Variants in MBD5 observed in about 807,000 individuals in gnomAD.
MBD5 encodes the protein methyl-CpG binding domain protein 5.
A neutral mutation model predicts 117.3 loss-of-function variants in MBD5; 13 were observed. The ratio of observed to expected loss-of-function variants is 0.11; its 90% CI spans 0.07 to 0.18. The LOEUF (loss-of-function observed/expected upper bound fraction) is 0.18, where lower values mean the gene tolerates loss of function less well. Ranked by LOEUF, MBD5 falls within the 10% of genes least tolerant of loss-of-function variation. The pLI, the probability that MBD5 is intolerant of heterozygous loss-of-function variation, is 1.00. For missense variants in MBD5, 1,879 were observed against 2,093.8 expected (o/e 0.90, Z 2.00); for synonymous variants, 727 against 766.4 (o/e 0.95, Z 0.85).
At chr2:148,312,749 A>T (rs1702063759) in intron 3 of MBD5, among the ~76,000 whole-genome samples, 1 of 152,036 alleles carries the variant, frequency 6.6e-6, no homozygotes, top group African/African-American at 2.4e-5. Context: ...TGGGATTTTC[A>T]GCCTTTTTGA....
At chr2:148,308,491 C>CTTTCTTTT (rs1701949943) in intron 3 of MBD5, among the ~76,000 whole-genome samples, 1 of 66,772 alleles carries the variant, frequency 1.5e-5, no homozygotes, top group African/African-American at 4.9e-5. Flanking sequence ...GGGGTTCTTT[C>CTTTCTTTT]TTTTTTTTTT....
At chr2:148,257,267 T>A (rs1267720635) in intron 3 of MBD5, among the ~76,000 whole-genome samples, 1 of 152,234 alleles carries the variant, frequency 6.6e-6, no homozygotes, top group Non-Finnish European at 1.5e-5. Flanking sequence ...GCCTGCTGAA[T>A]AGCCCGCTTG....
At chr2:148,395,813 T>A (rs1210317879) in intron 4 of MBD5, among the ~76,000 whole-genome samples, 1 of 152,154 alleles carries the variant, frequency 6.6e-6, no homozygotes, top group Non-Finnish European at 1.5e-5. Context: ...GGGTGAGGAA[T>A]CACACCATAT....
chr2:148,154,750 T>C (rs886544176), intron 1 of MBD5, among the ~76,000 whole-genome samples: 2 of 152,196 alleles, frequency 1.3e-5, no homozygotes, highest in East Asian at 3.9e-4. Flanking sequence ...CCTGACCCCT[T>C]GCGCTTCCCA....
chr2:148,476,802 C>A lies in MBD5; in HGVS notation c.2519-6308C>A, dbSNP rs375030931. Among the ~76,000 whole-genome samples the A allele has an allele frequency of 9.9e-5, 15 of 152,244 alleles. No individual in the cohort carries two copies. The East Asian group carries it at 2.7e-3, about 27-fold the overall frequency. On this transcript the variant is annotated intron_variant, in intron 8 of 13. Coordinates refer to ENST00000642680, the MANE Select transcript of MBD5 (RefSeq NM_001378120.1). Reference sequence around the variant, plus strand: ...AGAAGAATACAAAGCTAAGCATATTCATAATCTAGAAACTTAGCCTGCTCT... The same window carrying A: ...AGAAGAATACAAAGCTAAGCATATTAATAATCTAGAAACTTAGCCTGCTCT...
chr2:148,209,513 T>C (rs1699369335), intron 2 of MBD5, among the ~76,000 whole-genome samples: 1 of 151,528 alleles, frequency 6.6e-6, no homozygotes, highest in East Asian at 1.9e-4. Flanking sequence ...AATAAACTTC[T>C]TTTTTCTTTC....
At chr2:148,367,026 T>A (rs778862969) in intron 4 of MBD5, among the ~76,000 whole-genome samples, 4 of 152,014 alleles carry the variant, frequency 2.6e-5, no homozygotes, top group Non-Finnish European at 5.9e-5. Context: ...CCAAGACAAT[T>A]CTAAGCAAAA....
intron 1 of MBD5, among the ~76,000 whole-genome samples, chr2:148,114,777 T>C (rs1334753100): frequency 6.6e-6 from 1 of 152,188 alleles, no homozygotes; most frequent in Admixed American, 6.5e-5. Flanking sequence ...TTTACCAATA[T>C]ATAAAAGCTA....
chr2:148,305,690 C>G (rs1315619334), intron 3 of MBD5, among the ~76,000 whole-genome samples: 1 of 152,174 alleles, frequency 6.6e-6, no homozygotes, highest in African/African-American at 2.4e-5. Context: ...TCAAGTTGTC[C>G]AGCCTCAGCT....
intron 3 of MBD5, among the ~76,000 whole-genome samples, chr2:148,247,584 T>C (rs539081271): frequency 6.6e-6 from 1 of 152,020 alleles, no homozygotes; most frequent in South Asian, 2.1e-4. Context: ...GCGTATTGAG[T>C]GGTGGTATAC....
chr2:148,164,335 A>G (rs1698077673), intron 1 of MBD5, among the ~76,000 whole-genome samples: 1 of 152,008 alleles, frequency 6.6e-6, no homozygotes, highest in Non-Finnish European at 1.5e-5. Flanking sequence ...CCAGAATACT[A>G]GAGGATCCCT....
At chr2:148,386,943 C>T (rs531638849) in intron 4 of MBD5, among the ~76,000 whole-genome samples, 1 of 152,026 alleles carries the variant, frequency 6.6e-6, no homozygotes, top group East Asian at 1.9e-4. Context: ...AAATAAAAAG[C>T]TTCAGGCCTA....
In MBD5 at chr2:148,469,800, T is replaced by C. The variant is rs781055816; in HGVS notation, c.1857T>C (p.Thr619=). 6.2e-7 allele frequency: 1 copy of C among 1,613,934 alleles called. No individual in the cohort carries two copies. The highest frequency in any genetic ancestry group is 1.1e-5 in the South Asian group (1 of 91,078). Residue 619 remains threonine, a synonymous_variant, in exon 8 of 14, where the codon ACT becomes ACC. Transcript: ENST00000642680. Reference sequence around the variant, plus strand: ...GTGGCAACACTGAAGGACATAGCACTTTAAACACCATGTTCCCTCCTACTG... The same window carrying C: ...GTGGCAACACTGAAGGACATAGCACCTTAAACACCATGTTCCCTCCTACTG... ...AGSGNTEGHS[T]LNTMFPPTAN...
chr2:148,492,789 C>A (rs972549377), intron 11 of MBD5, among the ~76,000 whole-genome samples: 7 of 151,964 alleles, frequency 4.6e-5, no homozygotes, highest in African/African-American at 1.7e-4. Context: ...GACTTCAAGC[C>A]AAGTGTCTGA....
chr2:148,400,776 T>C (rs747172457), intron 4 of MBD5, among the ~76,000 whole-genome samples: 1 of 152,214 alleles, frequency 6.6e-6, no homozygotes, highest in Non-Finnish European at 1.5e-5. Context: ...TTTTATGTCA[T>C]ATACTATAAA....
intron 1 of MBD5, among the ~76,000 whole-genome samples, chr2:148,150,647 G>A (rs944242121): frequency 4.6e-5 from 7 of 151,592 alleles, no homozygotes; most frequent in African/African-American, 1.5e-4. Context: ...TCCTTGAAGA[G>A]GTCCTTCACA....
chr2:148,501,046 G>C (rs926936695), intron 11 of MBD5, among the ~76,000 whole-genome samples: 2 of 152,152 alleles, frequency 1.3e-5, no homozygotes, highest in Non-Finnish European at 2.9e-5. Context: ...ACAGTGAGTT[G>C]GGTATGTATG....
chr2:148,489,912 A>G lies in MBD5; in HGVS notation c.4280A>G (p.Lys1427Arg). The change falls in exon 11 of 14, where the codon AAA becomes AGA. Residue 1427 changes from lysine to arginine, a missense_variant. Lys to Arg is a conservative substitution (Grantham distance 26). Around this residue, in one of 4 missense-constraint regions of MBD5, gnomAD observed 1,666 missense variants for 1,792.2 expected, o/e 0.93. Coordinates refer to ENST00000642680, the MANE Select transcript of MBD5 (RefSeq NM_001378120.1). ...AAGTCAGCAAGTTGCCACACATCCAAAAAACAGTGGGACGGGGAGCAAAGC... is the reference window on the plus strand; with the variant it reads ...AAGTCAGCAAGTTGCCACACATCCAGAAAACAGTGGGACGGGGAGCAAAGC... ...YFKSASCHTS[K>R]KQWDGEQSPR... The G allele has an allele frequency of 6.2e-7, 1 of 1,614,174 alleles. No homozygotes were observed. Among genetic ancestry groups the G allele is most frequent in the Non-Finnish European group, 8.5e-7 (1 of 1,180,028 alleles).
rs796052721 is a variant in MBD5, at chr2:148,470,065, A to G, written c.2122A>G (p.Met708Val). 2.5e-6 allele frequency: 4 copies of G among 1,613,790 alleles called. No individual in the cohort carries two copies. In the African/African-American group the frequency reaches 5.3e-5, roughly 22 times the overall value. The change falls in exon 8 of 14, where the codon ATG (methionine) becomes GTG (valine). Residue 708 changes from methionine to valine, a missense_variant. Met to Val is a conservative substitution (Grantham distance 21). This residue lies in a region of MBD5 where 1,666 missense variants were observed against 1,792.2 expected (regional missense o/e 0.93). Coordinates refer to ENST00000642680, the MANE Select transcript of MBD5 (RefSeq NM_001378120.1). ...TTCAATGTCTCAGTTACTACAGTCT[A>G]TGAGTTGTCAAAGCTCTCACTTGAG... ...ISSMSQLLQS[M>V]SCQSSHLSSN...
Sources: gnomAD v4.1 joint callset for allele counts (sites outside exome capture counted in the v4.1 genomes callset) on GRCh38, gnomAD v4.1.1 for gene constraint, gnomAD v4.1.1 regional missense constraint, MANE v1.5 for transcripts, NCBI Gene and HGNC (gene_info 2026-07-23, HGNC 2026-07-21) for gene names.